PTPRD: variants seen among roughly 807,000 people sequenced by gnomAD.
PTPRD encodes the protein receptor-type tyrosine-protein phosphatase delta.
PTPRD carries 34 observed loss-of-function variants against 214.5 expected under a neutral mutation model. That is an observed-to-expected ratio of 0.16 (90% confidence interval 0.12 to 0.21). PTPRD has a LOEUF of 0.21. Ranked by LOEUF, PTPRD falls within the 10% of genes least tolerant of loss-of-function variation. PTPRD has a pLI of 1.00. For synonymous variants in PTPRD, 1,128 were observed against 845.7 expected, an observed-to-expected ratio of 1.33 and a Z score of -5.79; for missense variants, 2,545 against 2,398.7, an observed-to-expected ratio of 1.06 and a Z score of -1.27.
chr9:10,135,313 C>T (rs1317823481), intron 3 of PTPRD, among the ~76,000 whole-genome samples: 1 of 152,088 alleles, frequency 6.6e-6, no homozygotes, highest in East Asian at 1.9e-4. Context: ...TTTGAGGATA[C>T]AGTCCATACA....
At chr9:9,726,008 A>G (rs2098083815) in intron 7 of PTPRD, among the ~76,000 whole-genome samples, 1 of 152,196 alleles carries the variant, frequency 6.6e-6, no homozygotes, top group Non-Finnish European at 1.5e-5. Flanking sequence ...CAGTAACTAC[A>G]TGGCTATGAA....
intron 10 of PTPRD, chr9:9,090,778 G>C: frequency 3.0e-6 from 2 of 658,048 alleles, no homozygotes; most frequent in Non-Finnish European, 5.5e-6. Flanking sequence ...ATCCTCTTTA[G>C]CTGAGTTGCT....
chr9:8,442,575 T>C (rs987201773), intron 34 of PTPRD, among the ~76,000 whole-genome samples: 12 of 152,168 alleles, frequency 7.9e-5, no homozygotes, highest in Non-Finnish European at 1.6e-4. Context: ...AGAAGCTAAT[T>C]TTTTCATCAA....
At chr9:8,879,728 C>A (rs2098425865) in intron 11 of PTPRD, among the ~76,000 whole-genome samples, 1 of 152,196 alleles carries the variant, frequency 6.6e-6, no homozygotes, top group Admixed American at 6.5e-5. Flanking sequence ...TTTGGCATAA[C>A]AATCTTGCAT....
At chr9:8,374,637 G>A (rs1034036203) in intron 39 of PTPRD, among the ~76,000 whole-genome samples, 8 of 151,876 alleles carry the variant, frequency 5.3e-5, no homozygotes, top group African/African-American at 1.9e-4. Context: ...CTCTTGACAC[G>A]ACATAATTCT....
chr9:9,499,930 A>T (rs2096348798), intron 8 of PTPRD, among the ~76,000 whole-genome samples: 1 of 152,086 alleles, frequency 6.6e-6, no homozygotes, highest in Non-Finnish European at 1.5e-5. Context: ...GATCCATACC[A>T]AGCAGAAGTG....
chr9:9,917,086 A>G (rs28796965), intron 5 of PTPRD, among the ~76,000 whole-genome samples: 4,898 of 145,006 alleles, frequency 0.034, 264 homozygotes, highest in African/African-American at 0.12. Context: ...GTATATATCA[A>G]TAAATGTCTA....
chr9:9,409,304 T>C (rs897143741), intron 8 of PTPRD, among the ~76,000 whole-genome samples: 1 of 151,984 alleles, frequency 6.6e-6, no homozygotes, highest in East Asian at 1.9e-4. Context: ...ATCTTCATCA[T>C]TGAATGTATT....
intron 5 of PTPRD, among the ~76,000 whole-genome samples, chr9:9,910,752 G>A (rs549317688): frequency 4.6e-5 from 7 of 151,900 alleles, no homozygotes; most frequent in Admixed American, 6.6e-5. Flanking sequence ...TTAAAATATC[G>A]GATGAAATTA....
At chr9:10,354,586 G>C (rs2097240257) in intron 2 of PTPRD, among the ~76,000 whole-genome samples, 1 of 152,116 alleles carries the variant, frequency 6.6e-6, no homozygotes, top group Admixed American at 6.5e-5. Flanking sequence ...GCTTTTACAA[G>C]AATGTTTATT....
intron 3 of PTPRD, among the ~76,000 whole-genome samples, chr9:10,125,222 C>T (rs1343857544): frequency 2.6e-5 from 4 of 151,840 alleles, no homozygotes; most frequent in Non-Finnish European, 5.9e-5. Context: ...TATTAAGATA[C>T]TATTATACTA....
At chr9:10,078,113 C>A (rs1271646419) in intron 3 of PTPRD, among the ~76,000 whole-genome samples, 2 of 144,678 alleles carry the variant, frequency 1.4e-5, no homozygotes, top group Non-Finnish European at 3.1e-5. Flanking sequence ...CTTAGTAACT[C>A]CAAAATAAGA....
chr9:9,227,719 G>A (rs777125879), intron 9 of PTPRD, among the ~76,000 whole-genome samples: 1 of 152,104 alleles, frequency 6.6e-6, no homozygotes, highest in Non-Finnish European at 1.5e-5. Context: ...CCACATGGTA[G>A]GAAACTCAGG....
chr9:8,649,775 G>C (rs955012658), intron 12 of PTPRD, among the ~76,000 whole-genome samples: 1 of 152,146 alleles, frequency 6.6e-6, no homozygotes, highest in East Asian at 1.9e-4. Context: ...CCTAAGGAAA[G>C]TCTATAATTA....
chr9:8,878,572 C>T (rs1428276911), intron 11 of PTPRD, among the ~76,000 whole-genome samples: 1 of 151,630 alleles, frequency 6.6e-6, no homozygotes, highest in African/African-American at 2.4e-5. Flanking sequence ...TGTAGACTAG[C>T]CTCGAGTGCA....
chr9:8,389,282 G>T lies in PTPRD; in HGVS notation c.4336C>A (p.Gln1446Lys), dbSNP rs2088534758. 6.2e-7 allele frequency: 1 copy of T among 1,612,858 alleles called. No individual in the cohort carries two copies. ...ATCATGACAACTGTGGCACTCCGTT[G>T]TTCCCATATCATTCTCCAAAAGTCC... ...FGDFWRMIWE[Q>K]RSATVVMMTK... Residue 1446 changes from glutamine (Q) to lysine (K), a missense_variant, in exon 37 of 46, where the codon CAA becomes AAA. Physicochemically the swap from Gln to Lys is moderately conservative, Grantham distance 53. Transcript: ENST00000381196.
rs187459284 is a variant in PTPRD at position 10,315,324 on chromosome 9, C to T, written c.-545+25639G>A. Reference sequence around the variant, plus strand: ...TATAAAATATGAGATATATCTAAATCATCAGCAGAATAAATGTAGTTTATT... The same window carrying T: ...TATAAAATATGAGATATATCTAAATTATCAGCAGAATAAATGTAGTTTATT... On this transcript the variant is annotated intron_variant, in intron 3 of 45. Transcript: ENST00000381196. Among the ~76,000 whole-genome samples the T allele has an allele frequency of 2.1e-3, 323 of 151,908 alleles. 2 individuals carry two copies. The highest frequency in any genetic ancestry group is 0.019 in the Admixed American group (284 of 15,188).
At chr9:10,043,178 C>A (rs777074072) in intron 3 of PTPRD, among the ~76,000 whole-genome samples, 2 of 151,904 alleles carry the variant, frequency 1.3e-5, no homozygotes, top group Admixed American at 6.6e-5. Flanking sequence ...ATTAAAAATA[C>A]AAATGTGATA....
At chr9:9,469,371 G>A (rs2094437413) in intron 8 of PTPRD, among the ~76,000 whole-genome samples, 2 of 152,082 alleles carry the variant, frequency 1.3e-5, no homozygotes, top group African/African-American at 2.4e-5. Flanking sequence ...GGATAAAGCT[G>A]GCAATGTTCC....
Sources: gnomAD v4.1 joint callset for allele counts (sites outside exome capture counted in the v4.1 genomes callset) on GRCh38, gnomAD v4.1.1 for gene constraint, MANE v1.5 for transcripts, NCBI Gene and HGNC (gene_info 2026-07-23, HGNC 2026-07-21) for gene names.